The following SLC8A1 variants were observed in gnomAD, a reference collection of about 807,000 sequenced individuals.
SLC8A1 encodes sodium/calcium exchanger 1.
A neutral mutation model predicts 68.3 loss-of-function variants in SLC8A1; 18 were observed. The ratio of observed to expected loss-of-function variants is 0.26; its 90% confidence interval spans 0.18 to 0.39. The LOEUF is 0.39. SLC8A1 is among the 10% of genes least tolerant of loss of function. The probability of loss-of-function intolerance (pLI) is 1.00; values close to 1 mark genes in which losing one functional copy is unlikely to be tolerated. For synonymous variants in SLC8A1, 475 were observed against 415.5 expected (o/e 1.14, Z -1.74); for missense variants, 985 against 1,156.7 (o/e 0.85, Z 2.15).
At chr2:40,280,292 A>T (rs923803253) in intron 2 of SLC8A1, among the ~76,000 whole-genome samples, 5 of 147,782 alleles carry the variant, frequency 3.4e-5, no homozygotes, top group Non-Finnish European at 7.4e-5. Flanking sequence ...TCTCTTCCTT[A>T]AAAGTCCTGA....
rs567079225 is a variant in SLC8A1, at chr2:40,485,812, A to AT, written c.-25+26536dup. 2.7e-4 allele frequency among the ~76,000 whole-genome samples: 41 copies of AT among 152,076 alleles called. No homozygotes were observed. The South Asian group carries it at 5.2e-3, about 19-fold the overall frequency. ...AGAGAGAGGGCATTTTATATGTAGC[A>AT]TTTTTTTTGGCAGTGCTCAAAAAAT... On this transcript the variant is annotated intron_variant, in intron 1 of 7. Transcript: ENST00000402441.
chr2:40,413,355 A>G (rs1377999854), intron 2 of SLC8A1, among the ~76,000 whole-genome samples: 1 of 152,192 alleles, frequency 6.6e-6, no homozygotes, highest in East Asian at 1.9e-4. Flanking sequence ...ACTAACCCAA[A>G]TGTCCAACAA....
chr2:40,266,703 G>T (rs1191917833), intron 2 of SLC8A1, among the ~76,000 whole-genome samples: 1 of 152,122 alleles, frequency 6.6e-6, no homozygotes, highest in Admixed American at 6.6e-5. Context: ...CCTTCTCCAT[G>T]GATCATTGCT....
At chr2:40,215,499 C>A (rs980284491) in intron 2 of SLC8A1, among the ~76,000 whole-genome samples, 53 of 151,558 alleles carry the variant, frequency 3.5e-4, no homozygotes, top group African/African-American at 1.3e-3. Flanking sequence ...TAGCCGGGCA[C>A]GGTGGCGGGC....
intron 2 of SLC8A1, among the ~76,000 whole-genome samples, chr2:40,297,940 T>C (rs1003070162): frequency 2.6e-5 from 4 of 152,112 alleles, no homozygotes; most frequent in Admixed American, 6.6e-5. Flanking sequence ...AGTGCAGTGG[T>C]GCGATCTCGG....
intron 2 of SLC8A1, among the ~76,000 whole-genome samples, chr2:40,234,566 C>A (rs1263420017): frequency 1.3e-5 from 2 of 152,162 alleles, no homozygotes; most frequent in Non-Finnish European, 2.9e-5. Context: ...TTGACTTCCT[C>A]TTTTCCTAAT....
intron 2 of SLC8A1, among the ~76,000 whole-genome samples, chr2:40,313,453 A>T (rs1371939729): frequency 6.6e-6 from 1 of 151,888 alleles, no homozygotes; most frequent in African/African-American, 2.4e-5. Flanking sequence ...ATTATATGAT[A>T]AGTGTATGTT....
chr2:40,219,711 T>G (rs1320028923), intron 2 of SLC8A1, among the ~76,000 whole-genome samples: 2 of 152,180 alleles, frequency 1.3e-5, no homozygotes, highest in Non-Finnish European at 2.9e-5. Context: ...TTAAAATACT[T>G]CAGTTTATAG....
intron 2 of SLC8A1, among the ~76,000 whole-genome samples, chr2:40,408,046 C>T (rs572010576): frequency 6.6e-6 from 1 of 152,294 alleles, no homozygotes; most frequent in East Asian, 1.9e-4. Context: ...ATGTTACCCC[C>T]ATAACAAGTT....
chr2:40,164,782 T>C, intron 5 of SLC8A1, 72 bp downstream of exon 8: 1 of 1,574,852 alleles, frequency 6.3e-7, no homozygotes, highest in Non-Finnish European at 8.6e-7. Context: ...ATCTTAAGCT[T>C]TGGCCAACCC....
At chr2:40,345,336 AT>A (rs1559329407) in intron 2 of SLC8A1, among the ~76,000 whole-genome samples, 1 of 152,196 alleles carries the variant, frequency 6.6e-6, no homozygotes, top group Non-Finnish European at 1.5e-5. Context: ...TGCTTCATAA[AT>A]TATATTTCCA....
intron 6 of SLC8A1, among the ~76,000 whole-genome samples, chr2:40,148,495 C>A (rs2042867976): frequency 6.6e-6 from 1 of 152,172 alleles, no homozygotes; most frequent in Admixed American, 6.5e-5. Flanking sequence ...AATTGAGTAA[C>A]AGTCTAATGA....
At chr2:40,166,562 A>C (rs2046587145) in intron 4 of SLC8A1, among the ~76,000 whole-genome samples, 1 of 152,220 alleles carries the variant, frequency 6.6e-6, no homozygotes, top group Non-Finnish European at 1.5e-5. Flanking sequence ...AATTTTAACT[A>C]TAAAAGTGGC....
chr2:40,281,619 G>A (rs2067537993), intron 2 of SLC8A1, among the ~76,000 whole-genome samples: 2 of 152,198 alleles, frequency 1.3e-5, no homozygotes, highest in Admixed American at 6.5e-5. Context: ...AATGGAGAAT[G>A]AGTTTGATTT....
intron 2 of SLC8A1, among the ~76,000 whole-genome samples, chr2:40,291,292 G>C (rs2069265648): frequency 6.6e-6 from 1 of 152,086 alleles, no homozygotes; most frequent in South Asian, 2.1e-4. Flanking sequence ...TTCAATCAGT[G>C]ATTTTGAGTT....
At chr2:40,213,773 TTC>T (rs1278922373) in intron 2 of SLC8A1, among the ~76,000 whole-genome samples, 1 of 152,228 alleles carries the variant, frequency 6.6e-6, no homozygotes, top group Non-Finnish European at 1.5e-5. Context: ...GCTGCATCAA[TTC>T]TCTCACACTG....
intron 1 of SLC8A1, among the ~76,000 whole-genome samples, chr2:40,461,533 G>T (rs115541259): frequency 6.6e-6 from 1 of 152,078 alleles, no homozygotes; most frequent in Non-Finnish European, 1.5e-5. Context: ...TGCCCACTCC[G>T]CGCCCCTGCA....
At chr2:40,475,195 G>A (rs189318426) in intron 1 of SLC8A1, among the ~76,000 whole-genome samples, 30 of 152,126 alleles carry the variant, frequency 2.0e-4, no homozygotes, top group African/African-American at 5.3e-4. Flanking sequence ...GTGCAGTAGC[G>A]TGATCTCTGC....
At chr2:40,481,709 T>G (rs1704640763) in intron 1 of SLC8A1, among the ~76,000 whole-genome samples, 1 of 152,192 alleles carries the variant, frequency 6.6e-6, no homozygotes, top group Admixed American at 6.5e-5. Context: ...AAGTAATGAT[T>G]TCTAAGTCTT....
Sources: allele counts gnomAD v4.1 joint callset (sites outside exome capture counted in the v4.1 genomes callset), GRCh38; gene constraint gnomAD v4.1.1; transcripts MANE v1.5; gene names NCBI Gene and HGNC (gene_info 2026-07-23, HGNC 2026-07-21).